MBD5: variants seen among roughly 807,000 people sequenced by gnomAD.
The protein encoded by MBD5 is methyl-CpG-binding domain protein 5.
A neutral mutation model predicts 117.3 loss-of-function variants in MBD5; 13 were observed. The observed-to-expected ratio is 0.11, with a 90% CI of 0.07 to 0.18. The LOEUF is 0.18. Ranked by LOEUF, MBD5 falls within the 10% of genes least tolerant of loss-of-function variation. The pLI is 1.00. For synonymous variants in MBD5, 727 were observed against 766.4 expected, an observed-to-expected ratio of 0.95 and a Z score of 0.85; for missense variants, 1,879 against 2,093.8, an observed-to-expected ratio of 0.90 and a Z score of 2.00.
intron 4 of MBD5, among the ~76,000 whole-genome samples, chr2:148,396,141 A>G (rs1574377799): frequency 1.3e-5 from 2 of 152,146 alleles, no homozygotes; most frequent in South Asian, 2.1e-4. Context: ...TTCCTCTTCT[A>G]TTACATTCCT....
intron 4 of MBD5, among the ~76,000 whole-genome samples, chr2:148,401,085 A>G (rs1704905968): frequency 6.6e-6 from 1 of 152,166 alleles, no homozygotes; most frequent in Non-Finnish European, 1.5e-5. Context: ...ATTTTGAATG[A>G]CTTTGCGAAA....
chr2:148,140,379 TA>T (rs1430349985), intron 1 of MBD5, among the ~76,000 whole-genome samples: 15 of 152,178 alleles, frequency 9.9e-5, no homozygotes, highest in Admixed American at 8.5e-4. Flanking sequence ...CAAAAGCAGA[TA>T]AAAAAATTAT....
intron 1 of MBD5, among the ~76,000 whole-genome samples, chr2:148,120,495 G>A (rs980525023): frequency 1.3e-5 from 2 of 152,124 alleles, no homozygotes; most frequent in East Asian, 3.9e-4. Context: ...TTTTCACAGT[G>A]TAAGTCTAAC....
intron 3 of MBD5, chr2:148,264,905 G>C (rs1211301576): frequency 6.6e-6 from 1 of 152,142 alleles, no homozygotes; most frequent in Non-Finnish European, 1.5e-5. Context: ...GGGAGCATTA[G>C]TTTGGTTAAC....
intron 1 of MBD5, among the ~76,000 whole-genome samples, chr2:148,145,299 G>C (rs928719902): frequency 6.6e-6 from 1 of 152,150 alleles, no homozygotes; most frequent in African/African-American, 2.4e-5. Flanking sequence ...CATTGATTTT[G>C]TATCCTGAGA....
intron 3 of MBD5, among the ~76,000 whole-genome samples, chr2:148,305,731 T>A (rs1475080764): frequency 6.6e-6 from 1 of 152,170 alleles, no homozygotes; most frequent in Non-Finnish European, 1.5e-5. Flanking sequence ...GCAGTTTTAG[T>A]TCTTAGTGAT....
chr2:148,115,549 C>G (rs1696615465), intron 1 of MBD5, among the ~76,000 whole-genome samples: 1 of 152,056 alleles, frequency 6.6e-6, no homozygotes, highest in Non-Finnish European at 1.5e-5. Flanking sequence ...GGAATTTCCT[C>G]CTTTAGCGAA....
intron 2 of MBD5, among the ~76,000 whole-genome samples, chr2:148,227,524 G>A (rs751126136): frequency 2.6e-5 from 4 of 152,202 alleles, no homozygotes; most frequent in African/African-American, 4.8e-5. Flanking sequence ...TGGGCTTGTA[G>A]TATAGTTTGA....
intron 1 of MBD5, among the ~76,000 whole-genome samples, chr2:148,118,570 C>G (rs907003124): frequency 2.0e-5 from 3 of 151,416 alleles, no homozygotes; most frequent in Admixed American, 6.6e-5. Flanking sequence ...GACTGTGGCT[C>G]TACACTCCAG....
At position 148,379,682 on chromosome 2, in the gene MBD5, A is replaced by G. The variant is rs77886272; in HGVS notation, c.-557+37346A>G. On this transcript the variant is annotated intron_variant, in intron 4 of 13. Coordinates refer to ENST00000642680, the MANE Select transcript of MBD5 (RefSeq NM_001378120.1). ...ACTAATAGGTATTATTATCTTATCT[A>G]GTTTCAGAGATTGATAAAAAGGACA... Among the ~76,000 whole-genome samples the G allele has an allele frequency of 3.7e-3, 565 of 152,158 alleles. 4 individuals are homozygous for G. The highest frequency in any genetic ancestry group is 0.013 in the African/African-American group (527 of 41,542).
intron 4 of MBD5, among the ~76,000 whole-genome samples, chr2:148,345,753 C>T (rs1703108952): frequency 6.6e-6 from 1 of 150,914 alleles, no homozygotes; most frequent in Admixed American, 6.6e-5. Flanking sequence ...TACAGGATCA[C>T]AAGGTCCCAC....
In MBD5 at chr2:148,477,494, T is replaced by A. The variant is rs184399303; in HGVS notation, c.2519-5616T>A. Among the ~76,000 whole-genome samples, 364 of 152,316 alleles carry A rather than the reference T, an allele frequency of 2.4e-3. 1 individual carries two copies. The highest frequency in any genetic ancestry group is 8.5e-3 in the African/African-American group (353 of 41,582). On this transcript the variant is annotated intron_variant, in intron 8 of 13. Coordinates refer to ENST00000642680, the MANE Select transcript of MBD5 (RefSeq NM_001378120.1). ...GCACAAAGATAGAGATTTGATATGT[T>A]TTTGTAAATACACATTACCATTCCC...
chr2:148,085,014 G>T (rs1695741854), intron 1 of MBD5, among the ~76,000 whole-genome samples: 1 of 152,226 alleles, frequency 6.6e-6, no homozygotes, highest in African/African-American at 2.4e-5. Context: ...TTAGTAGGAA[G>T]AAGAGAGAAG....
intron 4 of MBD5, among the ~76,000 whole-genome samples, chr2:148,403,978 G>C (rs534650328): frequency 1.3e-5 from 2 of 151,950 alleles, no homozygotes; most frequent in South Asian, 4.1e-4. Flanking sequence ...TGAAATTATA[G>C]AGTATATAAA....
chr2:148,383,725 A>C (rs182207576), intron 4 of MBD5, among the ~76,000 whole-genome samples: 281 of 152,320 alleles, frequency 1.8e-3, no homozygotes, highest in African/African-American at 6.5e-3. Context: ...AATACTGGCA[A>C]ACTGAATCCA....
At chr2:148,087,017 C>T (rs1695812912) in intron 1 of MBD5, among the ~76,000 whole-genome samples, 1 of 151,978 alleles carries the variant, frequency 6.6e-6, no homozygotes, top group African/African-American at 2.4e-5. Flanking sequence ...AAAACTGAGG[C>T]TAGAGGTAGA....
chr2:148,347,709 A>G (rs1049313403), intron 4 of MBD5: 2 of 152,064 alleles, frequency 1.3e-5, no homozygotes, highest in Admixed American at 6.6e-5. Flanking sequence ...TTAAAATAAG[A>G]AAACAAAGGA....
intron 2 of MBD5, among the ~76,000 whole-genome samples, chr2:148,214,039 G>T: frequency 6.6e-6 from 1 of 152,102 alleles, no homozygotes; most frequent in East Asian, 1.9e-4. Flanking sequence ...TTTGCCTCAG[G>T]TGCTTTCAAA....
At chr2:148,379,643 CT>C (rs1453938843) in intron 4 of MBD5, among the ~76,000 whole-genome samples, 2 of 151,996 alleles carry the variant, frequency 1.3e-5, no homozygotes, top group African/African-American at 2.4e-5. Context: ...ACCATTACTG[CT>C]GCTATTAATA....
Sources: gnomAD v4.1 joint callset for allele counts (sites outside exome capture counted in the v4.1 genomes callset) on GRCh38, gnomAD v4.1.1 for gene constraint, MANE v1.5 for transcripts, NCBI Gene and HGNC (gene_info 2026-07-23, HGNC 2026-07-21) for gene names.